RAPGEF6: variants seen among roughly 807,000 people sequenced by gnomAD.
RAPGEF6 encodes PDZ domain containing guanine nucleotide exchange factor (GEF) 2.
In RAPGEF6, 56 loss-of-function variants were observed where a neutral mutation model predicts 171.4. The observed-to-expected ratio is 0.33, with a 90% CI of 0.26 to 0.41. RAPGEF6 has a LOEUF of 0.41. RAPGEF6 is among the 10% of genes least tolerant of loss of function. The pLI is 1.00. For synonymous variants in RAPGEF6, 692 were observed against 650.1 expected, an observed-to-expected ratio of 1.06 and a Z score of -0.98; for missense variants, 1,674 against 1,921.4, an observed-to-expected ratio of 0.87 and a Z score of 2.41.
At chr5:131,626,150 A>T (rs1033021812) in intron 1 of RAPGEF6, among the ~76,000 whole-genome samples, 1 of 152,208 alleles carries the variant, frequency 6.6e-6, no homozygotes, top group Admixed American at 6.5e-5. Flanking sequence ...CACATCATGT[A>T]CCATCATCCC....
intron 9 of RAPGEF6, among the ~76,000 whole-genome samples, chr5:131,507,197 T>C (rs1480578526): frequency 6.8e-6 from 1 of 147,794 alleles, no homozygotes; most frequent in African/African-American, 2.5e-5. Flanking sequence ...TAGTATGAAA[T>C]TATGTAATTA....
At chr5:131,570,027 G>C (rs1202494116) in intron 4 of RAPGEF6, among the ~76,000 whole-genome samples, 1 of 104,372 alleles carries the variant, frequency 9.6e-6, no homozygotes, top group Non-Finnish European at 1.7e-5. Flanking sequence ...GCGGAGCAGA[G>C]CAAGACTCTG....
intron 6 of RAPGEF6, among the ~76,000 whole-genome samples, chr5:131,521,891 A>ACACACACACTCTCTCTCTCT (rs1250904540): frequency 8.1e-6 from 1 of 123,574 alleles, no homozygotes; most frequent in African/African-American, 3.0e-5. Flanking sequence ...ACACACACAC[A>ACACACACACTCTCTCTCTCT]CTCTCTCTCT....
intron 15 of RAPGEF6, among the ~76,000 whole-genome samples, chr5:131,488,064 C>G (rs993310613): frequency 1.3e-5 from 2 of 152,024 alleles, no homozygotes; most frequent in African/African-American, 4.8e-5. Flanking sequence ...TGCTTTCCTC[C>G]TAGGGTAAGG....
At chr5:131,540,520 T>C (rs531582849) in intron 6 of RAPGEF6, among the ~76,000 whole-genome samples, 25 of 152,310 alleles carry the variant, frequency 1.6e-4, no homozygotes, top group African/African-American at 6.0e-4. Flanking sequence ...TATGATCGCA[T>C]AACTGCATTT....
rs777804210 is a variant in RAPGEF6 at position 131,521,431 on chromosome 5, C to T, written c.586G>A (p.Ala196Thr). ...AAACTGCTGCTTCCAGAGTCACTGG[C>T]AATGCTACAACCAGACTGACTAGAA... ...VSSSQSGCSI[A>T]SDSGSSSLSD... The change falls in exon 7 of 28, where the codon GCC becomes ACC. Residue 196 changes from alanine to threonine, a missense_variant. By Grantham distance (58) the Ala-to-Thr change is moderately conservative. This residue lies in a region of RAPGEF6 where 1,116 missense variants were observed against 1,321.5 expected (regional missense o/e 0.84). Coordinates refer to ENST00000509018, the MANE Select transcript of RAPGEF6 (RefSeq NM_016340.6). The T allele has an allele frequency of 6.2e-7, 1 of 1,611,242 alleles. No individual in the cohort carries two copies. Among genetic ancestry groups the T allele is most frequent in the East Asian group, 2.2e-5 (1 of 44,758 alleles).
chr5:131,474,491 A>T (rs1298203937), intron 16 of RAPGEF6, among the ~76,000 whole-genome samples: 4 of 152,136 alleles, frequency 2.6e-5, no homozygotes, highest in Non-Finnish European at 5.9e-5. Flanking sequence ...CAAACACAGA[A>T]GGGAGAATTA....
chr5:131,461,976 C>T lies in RAPGEF6; in HGVS notation c.2593G>A (p.Ala865Thr). ...SMLQLSTIEV[A>T]TQLSMRDFDL... ...AAGTCCCTCATTGACAGCTGGGTGGCCACCTCAATGGTACTGAGCTGCAGC... is the reference window on the plus strand; with the variant it reads ...AAGTCCCTCATTGACAGCTGGGTGGTCACCTCAATGGTACTGAGCTGCAGC... Residue 865 changes from alanine to threonine, a missense_variant, in exon 19 of 28, where the codon GCC (alanine) becomes ACC (threonine). Physicochemically the swap from Ala to Thr is moderately conservative, Grantham distance 58. Coordinates refer to ENST00000509018, the MANE Select transcript of RAPGEF6 (RefSeq NM_016340.6). The T allele has an allele frequency of 1.2e-6, 2 of 1,614,110 alleles. No individual in the cohort carries two copies. The highest frequency in any genetic ancestry group is 1.1e-5 in the South Asian group (1 of 91,074).
chr5:131,511,475 G>C (rs1054022654), intron 7 of RAPGEF6, among the ~76,000 whole-genome samples: 1 of 136,972 alleles, frequency 7.3e-6, no homozygotes, highest in Non-Finnish European at 1.6e-5. Flanking sequence ...CTGCCAAAAA[G>C]ATCATCTTTT....
chr5:131,590,884 T>A (rs917401949), intron 4 of RAPGEF6, among the ~76,000 whole-genome samples: 2 of 152,102 alleles, frequency 1.3e-5, no homozygotes, highest in East Asian at 1.9e-4. Context: ...AATATAACCA[T>A]AGGCAATATC....
intron 5 of RAPGEF6, among the ~76,000 whole-genome samples, chr5:131,555,441 C>CT (rs1376379172): frequency 6.6e-6 from 1 of 151,988 alleles, no homozygotes; most frequent in African/African-American, 2.4e-5. Context: ...TCAATGCTGA[C>CT]ATTTCCTACT....
chr5:131,516,046 C>CTTTTTTTTTTTTTTTTTTTTTT (rs778377620), intron 7 of RAPGEF6, among the ~76,000 whole-genome samples: 1 of 38,464 alleles, frequency 2.6e-5, no homozygotes, highest in African/African-American at 7.6e-5. Context: ...AGATGATATC[C>CTTTTTTTTTTTTTTTTTTTTTT]TTTTTTTTTT....
At chr5:131,462,687 T>A (rs901906223) in intron 18 of RAPGEF6, among the ~76,000 whole-genome samples, 4 of 152,224 alleles carry the variant, frequency 2.6e-5, no homozygotes, top group African/African-American at 9.6e-5. Flanking sequence ...ATATTTTGCT[T>A]TCTTCTCTTA....
At chr5:131,469,750 T>C (rs1219691937) in intron 17 of RAPGEF6, 3 of 1,330,464 alleles carry the variant, frequency 2.3e-6, no homozygotes, top group South Asian at 1.5e-5. Context: ...AATAACAAAA[T>C]AATACATACA....
intron 10 of RAPGEF6, 132 bp downstream of exon 10, chr5:131,505,232 T>A (rs1229033295): frequency 3.5e-6 from 3 of 867,038 alleles, no homozygotes; most frequent in Non-Finnish European, 5.4e-6. Flanking sequence ...CAAAATCTAC[T>A]TTCCTTTATT....
In RAPGEF6 at chr5:131,492,679, C is replaced by A; in HGVS notation, c.1634G>T (p.Ser545Ile). 5.0e-6 allele frequency: 8 copies of A among 1,614,168 alleles called. No homozygotes were observed. The highest frequency in any genetic ancestry group is 6.8e-6 in the Non-Finnish European group (8 of 1,180,014). The part of the protein sequence containing the change: ...KASRESPLQF[S>I]LNGGSEKGFG... ...TCCCTTCTCACTCCCTCCATTAAGG[C>A]TGAATTGTAGAGGGGACTCGCGGGA... is the stretch of plus-strand genomic sequence containing the variant. Residue 545 changes from serine (S) to isoleucine (I), a missense_variant, in exon 14 of 28, where the codon AGC becomes ATC. By Grantham distance (142) the Ser-to-Ile change is moderately radical. This residue lies in a region of RAPGEF6 where 1,116 missense variants were observed against 1,321.5 expected (regional missense o/e 0.84). Transcript: ENST00000509018.
Position 131,603,293 on chromosome 5 carries a change from T to C in RAPGEF6, c.175A>G (p.Ser59Gly), listed in dbSNP as rs151141863. ...TACCAAAAGAGAACCTGATTGCCAC[T>C]GTATCTCTCATAGCGTGCTCTTGCA... The part of the protein sequence containing the change: ...MSARARYERY[S>G]GNQVLFCSET... The change falls in exon 3 of 28, where the codon AGT (serine) becomes GGT (glycine). Residue 59 changes from serine (S) to glycine (G), a missense_variant. Physicochemically the swap from Ser to Gly is moderately conservative, Grantham distance 56. Coordinates refer to ENST00000509018, the MANE Select transcript of RAPGEF6 (RefSeq NM_016340.6). The C allele has an allele frequency of 1.3e-6, 2 of 1,583,180 alleles. No homozygotes were observed. Among genetic ancestry groups the C allele is most frequent in the African/African-American group, 2.7e-5 (2 of 73,586 alleles).
At chr5:131,501,323 G>C (rs1162408546) in intron 11 of RAPGEF6, among the ~76,000 whole-genome samples, 2 of 147,996 alleles carry the variant, frequency 1.4e-5, no homozygotes, top group African/African-American at 5.1e-5. Flanking sequence ...GTGACAGAGT[G>C]AGACTTTGTC....
chr5:131,489,732 A>G (rs1171156275), intron 14 of RAPGEF6, 78 bp from the exon 15 acceptor site: 2 of 692,278 alleles, frequency 2.9e-6, no homozygotes, highest in Non-Finnish European at 4.6e-6. Context: ...TTAATAGTGA[A>G]TAAATAAAAT....
Sources: allele counts gnomAD v4.1 joint callset (sites outside exome capture counted in the v4.1 genomes callset), GRCh38; gene constraint gnomAD v4.1.1; regional missense constraint gnomAD v4.1.1; transcripts MANE v1.5; gene names NCBI Gene and HGNC (gene_info 2026-07-23, HGNC 2026-07-21).